MCC: variants seen among roughly 807,000 people sequenced by gnomAD.
The protein encoded by MCC is MCC regulator of Wnt signaling pathway, also known as colorectal mutant cancer protein.
Under a neutral mutation model 116.2 loss-of-function variants are expected in MCC, and 90 were observed. That is an observed-to-expected ratio of 0.77 (90% confidence interval 0.65 to 0.92). The LOEUF (loss-of-function observed/expected upper bound fraction) is 0.92, where lower values mean the gene tolerates loss of function less well. Ranked by LOEUF, MCC falls within the 40% of genes least tolerant of loss-of-function variation. MCC has a pLI of 0.00. For missense variants in MCC, 1,516 were observed against 1,312.2 expected (o/e 1.16, Z -2.40); for synonymous variants, 578 against 510.5 (o/e 1.13, Z -1.78).
In MCC at chr5:113,376,695, G is replaced by A. The variant is rs149529651; in HGVS notation, c.415+8273C>T. Among the ~76,000 whole-genome samples, 17 of 152,106 alleles carry A rather than the reference G, an allele frequency of 1.1e-4. No individual in the cohort carries two copies. In the East Asian group the frequency reaches 3.1e-3, roughly 28 times the overall value. ...AACTTCCATTAAAACCATGGAATGG[G>A]CATCTGTTATTTTTCCCTGCCCGGC... On this transcript the variant is annotated intron_variant, in intron 2 of 18. Coordinates refer to ENST00000408903, the MANE Select transcript of MCC (RefSeq NM_001085377.2).
intron 3 of MCC, among the ~76,000 whole-genome samples, chr5:113,246,080 G>A (rs142566800): frequency 7.0e-4 from 106 of 152,328 alleles, no homozygotes; most frequent in African/African-American, 2.5e-3. Flanking sequence ...GTAGAAAAGA[G>A]AGACATTTAG....
At chr5:113,266,396 C>T (rs962354587) in intron 3 of MCC, among the ~76,000 whole-genome samples, 2 of 152,198 alleles carry the variant, frequency 1.3e-5, no homozygotes, top group African/African-American at 4.8e-5. Flanking sequence ...CATTACACAA[C>T]CCCACAGGGC....
chr5:113,065,873 T>TA (rs1180752235), intron 13 of MCC, among the ~76,000 whole-genome samples: 4 of 152,278 alleles, frequency 2.6e-5, no homozygotes, highest in African/African-American at 9.6e-5. Flanking sequence ...GGGGAACTGC[T>TA]AAAAATCAAG....
intron 6 of MCC, among the ~76,000 whole-genome samples, chr5:113,119,413 G>A (rs927432114): frequency 5.9e-5 from 9 of 152,164 alleles, no homozygotes; most frequent in African/African-American, 1.9e-4. Context: ...GAGGAAGGAG[G>A]GCTCCAGGCG....
At chr5:113,240,252 G>A (rs1315780098) in intron 3 of MCC, among the ~76,000 whole-genome samples, 1 of 152,134 alleles carries the variant, frequency 6.6e-6, no homozygotes, top group Non-Finnish European at 1.5e-5. Context: ...AAAAGCTAGT[G>A]AGAGAGCAAG....
At chr5:113,055,791 T>C (rs982199532) in intron 14 of MCC, among the ~76,000 whole-genome samples, 66 of 152,210 alleles carry the variant, frequency 4.3e-4, no homozygotes, top group South Asian at 6.2e-4. Flanking sequence ...GTTTGTTACA[T>C]GTGATTACCA....
rs1321960115 is a variant in MCC at position 113,024,893 on chromosome 5, AAATT to A, written c.*2405_*2408del. 2 of 152,218 alleles carry A rather than the reference AAATT, an allele frequency of 1.3e-5. No homozygotes were observed. Among genetic ancestry groups the A allele is most frequent in the African/African-American group, 4.8e-5 (2 of 41,462 alleles). 9.4% of individuals were successfully genotyped at this position (152,218 alleles called of 1,614,324 possible). On this transcript the variant is annotated 3_prime_UTR_variant, in exon 19 of 19. Transcript: ENST00000408903. ...CTTTTTTATTATACATATTTATAAA[AAATT>A]AACACTTTTGCCTGCAAAATAGTTT...
intron 1 of MCC, among the ~76,000 whole-genome samples, chr5:113,461,229 C>G (rs965080623): frequency 6.6e-6 from 1 of 152,136 alleles, no homozygotes; most frequent in South Asian, 2.1e-4. Flanking sequence ...TCACTGTACT[C>G]AAGCCTAGGC....
At position 113,122,708 on chromosome 5, in the gene MCC, A is replaced by G. The variant is rs1561374339; in HGVS notation, c.1003T>C (p.Ser335Pro). The change falls in exon 6 of 19, where the codon TCT becomes CCT. Residue 335 changes from serine (S) to proline (P), a missense_variant. Coordinates refer to ENST00000408903, the MANE Select transcript of MCC (RefSeq NM_001085377.2). Reference protein sequence around the residue: ...QTSVSIPENQSTMVTADMDNC... With the variant: ...QTSVSIPENQPTMVTADMDNC... ...CCCATGTCAGCAGTAACCATGGTAG[A>G]CTGGTTTTCGGGGATAGAGACAGAG... is the stretch of plus-strand genomic sequence containing the variant. The G allele has an allele frequency of 2.5e-6, 4 of 1,614,140 alleles. No homozygotes were observed. The highest frequency in any genetic ancestry group is 3.4e-6 in the Non-Finnish European group (4 of 1,180,004).
At chr5:113,240,045 C>T (rs1764306640) in intron 3 of MCC, among the ~76,000 whole-genome samples, 1 of 152,158 alleles carries the variant, frequency 6.6e-6, no homozygotes. Flanking sequence ...CTTTTCTGGT[C>T]TCCTATTCTG....
chr5:113,103,771 C>T (rs1395383617), intron 7 of MCC, among the ~76,000 whole-genome samples: 1 of 152,150 alleles, frequency 6.6e-6, no homozygotes, highest in African/African-American at 2.4e-5. Context: ...CAACAAATTC[C>T]TGTCACCATC....
At chr5:113,382,805 CTAGTGTCATG>C (rs1465296371) in intron 2 of MCC, among the ~76,000 whole-genome samples, 1 of 152,128 alleles carries the variant, frequency 6.6e-6, no homozygotes, top group Non-Finnish European at 1.5e-5. Context: ...AATAATTTGT[CTAGTGTCATG>C]TAGACAGTAA....
At chr5:113,168,211 T>C (rs971142114) in intron 3 of MCC, among the ~76,000 whole-genome samples, 1 of 152,196 alleles carries the variant, frequency 6.6e-6, no homozygotes, top group Non-Finnish European at 1.5e-5. Flanking sequence ...TGGAGCTTTA[T>C]ATACACTGTA....
intron 1 of MCC, among the ~76,000 whole-genome samples, chr5:113,464,406 T>G (rs1771839101): frequency 6.6e-6 from 1 of 152,230 alleles, no homozygotes; most frequent in Non-Finnish European, 1.5e-5. Context: ...TTGCTGTTCC[T>G]TTAATCAGGA....
At chr5:113,275,965 G>GTTTTTTT (rs1194323460) in intron 3 of MCC, among the ~76,000 whole-genome samples, 2 of 121,032 alleles carry the variant, frequency 1.7e-5, no homozygotes, top group African/African-American at 3.4e-5. Context: ...GATTTCACTT[G>GTTTTTTT]TTTTGTTTTT....
chr5:113,154,825 T>C lies in MCC; in HGVS notation c.628-3403A>G, dbSNP rs191511075. On this transcript the variant is annotated intron_variant, in intron 3 of 18. Transcript: ENST00000408903. ...GTGATATTTTGATGCATGCATACAATGTGTAATGATCAAATCAGGATATTT... is the reference window on the plus strand; with the variant it reads ...GTGATATTTTGATGCATGCATACAACGTGTAATGATCAAATCAGGATATTT... Among the ~76,000 whole-genome samples the C allele has an allele frequency of 5.6e-3, 853 of 152,356 alleles. 12 individuals carry two copies. The highest frequency in any genetic ancestry group is 0.019 in the African/African-American group (800 of 41,578).
intron 1 of MCC, among the ~76,000 whole-genome samples, chr5:113,395,365 A>G (rs1460730763): frequency 2.0e-5 from 3 of 152,202 alleles, no homozygotes; most frequent in African/African-American, 7.2e-5. Flanking sequence ...TAAATTCACT[A>G]TGCCAAAAGA....
chr5:113,426,316 G>A (rs955358156), intron 1 of MCC, among the ~76,000 whole-genome samples: 1 of 152,140 alleles, frequency 6.6e-6, no homozygotes, highest in African/African-American at 2.4e-5. Flanking sequence ...CAAACAGTAA[G>A]TCAACACTGG....
intron 17 of MCC, among the ~76,000 whole-genome samples, chr5:113,039,144 G>T (rs1040549149): frequency 3.3e-5 from 5 of 152,224 alleles, no homozygotes; most frequent in Non-Finnish European, 5.9e-5. Flanking sequence ...ATGTATCATG[G>T]TGAGGAGCAG....
Sources: gnomAD v4.1 joint callset for allele counts (sites outside exome capture counted in the v4.1 genomes callset) on GRCh38, gnomAD v4.1.1 for gene constraint, MANE v1.5 for transcripts, NCBI Gene and HGNC (gene_info 2026-07-23, HGNC 2026-07-21) for gene names.